Variants in ENDOV observed in about 807,000 individuals in gnomAD.
ENDOV encodes endonuclease V, also known as hEndoV.
In ENDOV, 37 loss-of-function variants were observed where a neutral mutation model predicts 39.4. That is an observed-to-expected ratio of 0.94 (90% CI 0.72 to 1.23). The LOEUF (loss-of-function observed/expected upper bound fraction) is 1.23, where lower values mean the gene tolerates loss of function less well. Among genes scored for constraint, ENDOV ranks in the 50% most tolerant of loss-of-function variants. The probability of loss-of-function intolerance (pLI) is 0.00; values close to 1 mark genes in which losing one functional copy is unlikely to be tolerated. For synonymous variants in ENDOV, 186 were observed against 163.4 expected, an observed-to-expected ratio of 1.14 and a Z score of -1.05; for missense variants, 441 against 375.7, an observed-to-expected ratio of 1.17 and a Z score of -1.44.
At chr17:80,417,921 A>G (rs993346229) in intron 2 of ENDOV, 1 of 152,220 alleles carries the variant, frequency 6.6e-6, no homozygotes, top group Non-Finnish European at 1.5e-5. Context: ...CGTCACTCGC[A>G]TTGCTCCTCT....
intron 6 of ENDOV, 138 bp from the exon 7 acceptor site, chr17:80,425,354 C>A: frequency 7.6e-7 from 1 of 1,315,646 alleles, no homozygotes; most frequent in Non-Finnish European, 1.0e-6. Context: ...TGGGCAGGCC[C>A]TGGCCCCTGA....
chr17:80,433,661 G>T (rs769273011), intron 9 of ENDOV, among the ~76,000 whole-genome samples: 7 of 152,242 alleles, frequency 4.6e-5, no homozygotes, highest in Non-Finnish European at 1.0e-4. Context: ...TGCACAAAGA[G>T]CAGTAGCTTC....
Position 80,428,709 on chromosome 17 carries a change from C to T in ENDOV, c.779+49C>T, listed in dbSNP as rs1418563787. The T allele has an allele frequency of 3.9e-6, 6 of 1,520,332 alleles. No homozygotes were observed. The African/African-American group carries it at 6.9e-5, about 17-fold the overall frequency. 94.2% of individuals were successfully genotyped at this position (1,520,332 alleles called of 1,614,324 possible). A position where few individuals can be genotyped will look rare whatever the true frequency, so the allele number is the denominator to read the frequency against. The stretch of plus-strand genomic sequence containing the variant: ...CACTAAAGGGGCATCTCACAGACAC[C>T]TGCATGGGCTGTTTCCGGTGGCTCA... On this transcript the variant is annotated intron_variant, in intron 8 of 9. Coordinates refer to ENST00000518137, the MANE Select transcript of ENDOV (RefSeq NM_173627.5).
At chr17:80,419,796 C>T in intron 2 of ENDOV, 1 of 657,190 alleles carries the variant, frequency 1.5e-6, no homozygotes, top group Non-Finnish European at 2.8e-6. Flanking sequence ...AATGCAGGAA[C>T]TTGGATGTGG....
intron 7 of ENDOV, chr17:80,427,451 T>C (rs2082844542): frequency 4.1e-6 from 4 of 985,308 alleles, no homozygotes; most frequent in Non-Finnish European, 4.8e-6. Context: ...CATCTAGAAA[T>C]AGAGCAAGGA....
chr17:80,435,802 G>A (rs1296431263), intron 9 of ENDOV, among the ~76,000 whole-genome samples: 1 of 148,904 alleles, frequency 6.7e-6, no homozygotes, highest in Non-Finnish European at 1.5e-5. Context: ...TTTTTCAGTA[G>A]AGACGGGGTT....
In ENDOV at chr17:80,425,636, A is replaced by G. The variant is rs759818892; in HGVS notation, c.714+16A>G. On this transcript the variant is annotated intron_variant, in intron 7 of 9. Coordinates refer to ENST00000518137, the MANE Select transcript of ENDOV (RefSeq NM_173627.5). ...CGTGCGCCAGGTGGGTGTGCTGGGG[A>G]TGCGGGGAGGCAGCACAGGCTCCTC... 4 of 1,568,410 alleles carry G rather than the reference A, an allele frequency of 2.6e-6. No individual in the cohort carries two copies. In the Admixed American group the frequency reaches 5.4e-5, roughly 21 times the overall value.
intron 9 of ENDOV, among the ~76,000 whole-genome samples, chr17:80,432,328 G>A (rs1181662034): frequency 2.0e-5 from 3 of 152,134 alleles, no homozygotes; most frequent in Non-Finnish European, 4.4e-5. Context: ...GTGGTCGGAG[G>A]GAAGGGCGTC....
intron 9 of ENDOV, 25 bp from the exon 10 acceptor site, chr17:80,436,108 T>C: frequency 6.2e-7 from 1 of 1,609,598 alleles, no homozygotes; most frequent in Non-Finnish European, 8.5e-7. Context: ...TTTTCTTGCC[T>C]CATTGCTCTG....
chr17:80,423,663 G>A (rs538559263), intron 5 of ENDOV, 31 bp downstream of exon 5: 15 of 1,539,894 alleles, frequency 9.7e-6, no homozygotes, highest in Admixed American at 5.9e-5. Context: ...GGCCATGCCC[G>A]GCAGCTCAGT....
chr17:80,428,717 G>T, intron 8 of ENDOV, 57 bp downstream of exon 8: 1 of 1,501,094 alleles, frequency 6.7e-7, no homozygotes, highest in Non-Finnish European at 9.1e-7. Context: ...ACCTGCATGG[G>T]CTGTTTCCGG....
chr17:80,416,689 CCCCT>C (rs56884894), intron 2 of ENDOV, among the ~76,000 whole-genome samples: 1,908 of 143,102 alleles, frequency 0.013, 36 homozygotes, highest in African/African-American at 0.047. Flanking sequence ...AGCAACAAGT[CCCCT>C]CCCTCCCTCC....
chr17:80,418,630 T>C (rs777916648), intron 2 of ENDOV: 1 of 152,186 alleles, frequency 6.6e-6, no homozygotes, highest in Non-Finnish European at 1.5e-5. Flanking sequence ...CCCAGAAGTG[T>C]GTTGAGAAAC....
Position 80,425,651 on chromosome 17 carries a change from A to G in ENDOV, c.714+31A>G, listed in dbSNP as rs764333352. On this transcript the variant is annotated intron_variant, in intron 7 of 9. Transcript: ENST00000518137. ...TGTGCTGGGGATGCGGGGAGGCAGC[A>G]CAGGCTCCTCTGCTTCCTGCCACCT... 152 of 1,551,488 alleles carry G rather than the reference A, an allele frequency of 9.8e-5. 1 individual carries two copies. In the South Asian group the frequency reaches 1.3e-3, roughly 13 times the overall value.
chr17:80,419,975 TTTAA>T (rs2081773445), intron 2 of ENDOV: 3 of 366,784 alleles, frequency 8.2e-6, no homozygotes, highest in Non-Finnish European at 1.5e-5. Context: ...TTCCCAGATT[TTTAA>T]TTTGAAAATG....
At chr17:80,425,199 C>G in intron 6 of ENDOV, 99 bp downstream of exon 6, 4 of 1,032,536 alleles carry the variant, frequency 3.9e-6, no homozygotes, top group East Asian at 2.6e-5. Flanking sequence ...CTCACACTTG[C>G]CCACATCAAC....
Position 80,421,967 on chromosome 17 carries a change from G to A in ENDOV, c.363+5G>A. The A allele has an allele frequency of 1.9e-6, 3 of 1,607,516 alleles. No individual in the cohort carries two copies. The highest frequency in any genetic ancestry group is 2.5e-6 in the Non-Finnish European group (3 of 1,179,588). ...GAGCCGGGCCTCATGCCCCAGGCAG[G>A]TGTCTCATCCCTAGGACGAGAGAAA... On this transcript the variant is annotated splice_donor_5th_base_variant and intron_variant, in intron 3 of 9. Transcript: ENST00000518137.
chr17:80,419,117 G>A (rs2081592901), intron 2 of ENDOV, among the ~76,000 whole-genome samples: 1 of 148,750 alleles, frequency 6.7e-6, no homozygotes, highest in Admixed American at 6.7e-5. Flanking sequence ...AGCTTGCAGT[G>A]AGCCGAGATC....
chr17:80,435,198 G>A (rs1309515070), intron 9 of ENDOV, among the ~76,000 whole-genome samples: 1 of 152,048 alleles, frequency 6.6e-6, no homozygotes, highest in Non-Finnish European at 1.5e-5. Flanking sequence ...TTATTTTCTT[G>A]TTAGTGTCCT....
Sources: allele counts gnomAD v4.1 joint callset (sites outside exome capture counted in the v4.1 genomes callset), GRCh38; gene constraint gnomAD v4.1.1; transcripts MANE v1.5; gene names NCBI Gene and HGNC (gene_info 2026-07-23, HGNC 2026-07-21).